The following FSTL5 variants were observed in gnomAD, a reference collection of about 807,000 sequenced individuals.
FSTL5 encodes follistatin like 5.
In FSTL5, 62 loss-of-function variants were observed where a neutral mutation model predicts 89.1. That is an observed-to-expected ratio of 0.70 (90% CI 0.57 to 0.86). The LOEUF (loss-of-function observed/expected upper bound fraction) is 0.86. Among genes scored for constraint, FSTL5 ranks in the 40% least tolerant of loss-of-function variants. FSTL5 has a pLI of 0.00. For missense variants in FSTL5, 1,057 were observed against 1,001.6 expected (o/e 1.06, Z -0.75); for synonymous variants, 383 against 346.2 (o/e 1.11, Z -1.18).
rs114231999 is a variant in FSTL5, at chr4:161,759,700, C to A, written c.607-169G>T. ...TTAGTTACTGAACAATCATTTTTAA[C>A]CTTTTCAAAGATATAAAGTTATGAT... On this transcript the variant is annotated intron_variant, in intron 5 of 15. Coordinates refer to ENST00000306100, the MANE Select transcript of FSTL5 (RefSeq NM_020116.5). Among the ~76,000 whole-genome samples the A allele has an allele frequency of 5.6e-3, 857 of 152,216 alleles. 6 individuals are homozygous for A. Among genetic ancestry groups the A allele is most frequent in the African/African-American group, 0.02 (821 of 41,542 alleles).
chr4:161,934,111 A>G (rs1734366505), intron 3 of FSTL5, among the ~76,000 whole-genome samples: 1 of 152,072 alleles, frequency 6.6e-6, no homozygotes, highest in Admixed American at 6.6e-5. Flanking sequence ...TAAAGAAGAA[A>G]CTAGCTCCAA....
intron 4 of FSTL5, among the ~76,000 whole-genome samples, chr4:161,860,221 G>C (rs112379965): frequency 0.02 from 3,119 of 152,168 alleles, 103 homozygotes; most frequent in African/African-American, 0.069. Flanking sequence ...CCGGGAGGCG[G>C]AGCTTGCAGT....
intron 5 of FSTL5, among the ~76,000 whole-genome samples, chr4:161,767,402 G>A (rs1741050106): frequency 6.6e-6 from 1 of 152,104 alleles, no homozygotes; most frequent in South Asian, 2.1e-4. Flanking sequence ...TTCTTTACAC[G>A]TTTGTCGAGG....
intron 3 of FSTL5, among the ~76,000 whole-genome samples, chr4:161,997,736 C>A (rs977652387): frequency 1.3e-5 from 2 of 151,552 alleles, no homozygotes; most frequent in African/African-American, 4.8e-5. Context: ...TCCAGAGTAG[C>A]TGGGACTAAA....
intron 15 of FSTL5, among the ~76,000 whole-genome samples, chr4:161,420,600 C>T (rs771609778): frequency 1.3e-5 from 2 of 151,582 alleles, no homozygotes; most frequent in African/African-American, 2.4e-5. Context: ...AAAGCCAATA[C>T]CTGATAATAA....
At position 161,920,425 on chromosome 4, in the gene FSTL5, T is replaced by G; in HGVS notation, c.388A>C (p.Asn130His). Residue 130 changes from asparagine to histidine, a missense_variant, in exon 4 of 16, where the codon AAT (asparagine) becomes CAT (histidine). Physicochemically the swap from Asn to His is moderately conservative, Grantham distance 68 (BLOSUM62 1). Transcript: ENST00000306100. Reference protein sequence around the residue: ...LKKQKITIVHNEDCFFKGDKC... With the variant: ...LKKQKITIVHHEDCFFKGDKC... The stretch of plus-strand genomic sequence containing the variant: ...TTACCTTTAAAGAAGCAGTCTTCAT[T>G]GTGAACAATGGTAATCTTTTGTTTT... 6.2e-7 allele frequency: 1 copy of G among 1,614,024 alleles called. No individual in the cohort carries two copies. Among genetic ancestry groups the G allele is most frequent in the Non-Finnish European group, 8.5e-7 (1 of 1,179,940 alleles).
chr4:161,771,001 C>T (rs1003881381), intron 5 of FSTL5, among the ~76,000 whole-genome samples: 10 of 151,954 alleles, frequency 6.6e-5, no homozygotes, highest in African/African-American at 2.2e-4. Context: ...ATTGTGCTAT[C>T]GTTTATTTTT....
At chr4:161,529,604 A>T (rs1731343646) in intron 10 of FSTL5, among the ~76,000 whole-genome samples, 1 of 142,164 alleles carries the variant, frequency 7.0e-6, no homozygotes, top group Non-Finnish European at 1.5e-5. Context: ...TTTCTGCTTT[A>T]AGTTATAATT....
In FSTL5 at chr4:162,026,304, C is replaced by CTTTTTTTT. The variant is rs397996028; in HGVS notation, c.160+7313_160+7320dup. Among the ~76,000 whole-genome samples the CTTTTTTTT allele has an allele frequency of 1.1e-4, 9 of 79,480 alleles. 1 individual carries two copies. Among genetic ancestry groups the CTTTTTTTT allele is most frequent in the East Asian group, 4.2e-4 (1 of 2,362 alleles). The allele number at this position is 79,480 out of a possible 152,430, so 52.1% of individuals were successfully genotyped here. A position where few individuals can be genotyped will look rare whatever the true frequency, so the allele number is the denominator to read the frequency against. On this transcript the variant is annotated intron_variant, in intron 3 of 15. Transcript: ENST00000306100. ...TTTCAGGAGACAGCTTATGTATTTT[C>CTTTTTTTT]TTTTTTTTTTTTTTTCTTTTTGAGA... is the stretch of plus-strand genomic sequence containing the variant.
intron 13 of FSTL5, among the ~76,000 whole-genome samples, chr4:161,475,481 T>C (rs1339790593): frequency 6.6e-6 from 1 of 152,150 alleles, no homozygotes; most frequent in Non-Finnish European, 1.5e-5. Flanking sequence ...AATAATTCAA[T>C]TGTCCTATCT....
chr4:161,642,043 C>G (rs745501016), intron 7 of FSTL5, among the ~76,000 whole-genome samples: 1 of 151,990 alleles, frequency 6.6e-6, no homozygotes, highest in Non-Finnish European at 1.5e-5. Flanking sequence ...TTTACAAAGA[C>G]ATAGTTAAAA....
At chr4:161,602,753 G>A (rs978154231) in intron 7 of FSTL5, among the ~76,000 whole-genome samples, 6 of 152,140 alleles carry the variant, frequency 3.9e-5, no homozygotes, top group African/African-American at 1.4e-4. Context: ...GCTAGGGTAT[G>A]GATGAAGCAG....
At chr4:162,154,213 A>G (rs1051183892) in intron 1 of FSTL5, among the ~76,000 whole-genome samples, 8 of 152,150 alleles carry the variant, frequency 5.3e-5, no homozygotes, top group Admixed American at 5.2e-4. Flanking sequence ...TTGTCAAAAT[A>G]AAATTGTTTT....
intron 3 of FSTL5, among the ~76,000 whole-genome samples, chr4:161,973,347 CA>C (rs1735539083): frequency 6.6e-6 from 1 of 152,078 alleles, no homozygotes; most frequent in South Asian, 2.1e-4. Flanking sequence ...ATTTTGATCA[CA>C]AGTGTAAGAG....
intron 7 of FSTL5, among the ~76,000 whole-genome samples, chr4:161,606,795 A>G (rs1206293078): frequency 1.3e-5 from 2 of 152,200 alleles, no homozygotes; most frequent in South Asian, 4.1e-4. Flanking sequence ...TCTTCATACC[A>G]GCAATGGGAG....
chr4:161,865,799 T>C (rs1732067388), intron 4 of FSTL5, among the ~76,000 whole-genome samples: 1 of 152,144 alleles, frequency 6.6e-6, no homozygotes, highest in Admixed American at 6.5e-5. Flanking sequence ...ATAAAAAAAC[T>C]TTAATTTTCT....
chr4:161,950,228 T>C (rs1289476025), intron 3 of FSTL5, among the ~76,000 whole-genome samples: 3 of 152,178 alleles, frequency 2.0e-5, no homozygotes, highest in Non-Finnish European at 4.4e-5. Context: ...TTCTTTTTGC[T>C]TTACAGCACA....
At chr4:161,681,061 G>C (rs1216665394) in intron 6 of FSTL5, among the ~76,000 whole-genome samples, 1 of 152,064 alleles carries the variant, frequency 6.6e-6, no homozygotes. Context: ...ACATGAGCGA[G>C]TAGCTGTGGA....
intron 7 of FSTL5, among the ~76,000 whole-genome samples, chr4:161,608,832 G>T (rs770476728): frequency 1.6e-4 from 25 of 151,864 alleles, no homozygotes; most frequent in Non-Finnish European, 7.4e-5. Context: ...CTGCAAGTAG[G>T]CTCCACCCAA....
Sources: gnomAD v4.1 joint callset for allele counts (sites outside exome capture counted in the v4.1 genomes callset) on GRCh38, gnomAD v4.1.1 for gene constraint, MANE v1.5 for transcripts, NCBI Gene and HGNC (gene_info 2026-07-23, HGNC 2026-07-21) for gene names.